WHRN: variants seen among roughly 807,000 people sequenced by gnomAD.
WHRN encodes whirlin, also known as CASK-interacting protein CIP98.
WHRN carries 41 observed loss-of-function variants against 68.3 expected under a neutral mutation model. That is an observed-to-expected ratio of 0.60 (90% CI 0.47 to 0.78). The LOEUF is 0.78. Ranked by LOEUF, WHRN falls within the 30% of genes least tolerant of loss-of-function variation. WHRN has a pLI of 0.00. For synonymous variants in WHRN, 560 were observed against 561.3 expected (o/e 1.00, Z 0.03); for missense variants, 1,243 against 1,244.7 (o/e 1.00, Z 0.02).
intron 1 of WHRN, among the ~76,000 whole-genome samples, chr9:114,498,514 T>A (rs1235153617): frequency 1.3e-5 from 2 of 152,142 alleles, no homozygotes; most frequent in Admixed American, 1.3e-4. Flanking sequence ...CTGTGTGTGG[T>A]AAGCACTGCT....
intron 4 of WHRN, chr9:114,425,477 T>A (rs1050396699): frequency 2.5e-6 from 1 of 400,684 alleles, no homozygotes; most frequent in Admixed American, 4.1e-5. Flanking sequence ...TTAAGAAGCA[T>A]CCAGAAATCC....
At chr9:114,491,074 T>C (rs957359886) in intron 1 of WHRN, among the ~76,000 whole-genome samples, 5 of 152,242 alleles carry the variant, frequency 3.3e-5, no homozygotes, top group African/African-American at 7.2e-5. Flanking sequence ...CCCAATGGGT[T>C]TGCAATGGCA....
At chr9:114,409,520 G>A (rs1038715125) in intron 7 of WHRN, among the ~76,000 whole-genome samples, 7 of 152,172 alleles carry the variant, frequency 4.6e-5, no homozygotes, top group South Asian at 2.1e-4. Flanking sequence ...GAGAACCCCC[G>A]AGCAGCTCCA....
chr9:114,466,607 C>T (rs1840720972), intron 2 of WHRN, among the ~76,000 whole-genome samples: 1 of 152,180 alleles, frequency 6.6e-6, no homozygotes, highest in African/African-American at 2.4e-5. Context: ...GCCCCTCACC[C>T]CCTCTTGGTC....
In WHRN at chr9:114,466,635, G is replaced by C. The variant is rs531175899; in HGVS notation, c.838-243C>G. Among the ~76,000 whole-genome samples, 3 of 152,154 alleles carry C rather than the reference G, an allele frequency of 2.0e-5. No homozygotes were observed. The South Asian group carries it at 6.2e-4, about 31-fold the overall frequency. On this transcript the variant is annotated intron_variant, in intron 2 of 11. Transcript: ENST00000362057. The stretch of plus-strand genomic sequence containing the variant: ...TCTTGGTCACAGCTGCAAGTGTAGT[G>C]GGGGGAAGGTGCTGAGGGAGATGGC...
At chr9:114,498,431 G>A (rs1043944312) in intron 1 of WHRN, among the ~76,000 whole-genome samples, 2 of 152,122 alleles carry the variant, frequency 1.3e-5, no homozygotes, top group African/African-American at 2.4e-5. Flanking sequence ...CTGTGGCCAC[G>A]GATGGGTCTC....
chr9:114,466,649 G>A (rs1840725828), intron 2 of WHRN, among the ~76,000 whole-genome samples: 1 of 152,176 alleles, frequency 6.6e-6, no homozygotes, highest in Admixed American at 6.5e-5. Flanking sequence ...GGAAGGTGCT[G>A]AGGGAGATGG....
intron 7 of WHRN, among the ~76,000 whole-genome samples, chr9:114,415,117 T>A (rs1430383252): frequency 6.6e-6 from 1 of 152,052 alleles, no homozygotes; most frequent in African/African-American, 2.4e-5. Flanking sequence ...GGCAACATAG[T>A]GAGACCCCCA....
intron 4 of WHRN, 45 bp from the exon 5 acceptor site, chr9:114,425,069 CA>C (rs1448608786): frequency 6.2e-7 from 1 of 1,606,008 alleles, no homozygotes; most frequent in African/African-American, 1.3e-5. Context: ...TTGAGCAGAT[CA>C]AATGGGCGTG....
chr9:114,422,709 C>A (rs1836414344), intron 7 of WHRN, among the ~76,000 whole-genome samples: 1 of 152,174 alleles, frequency 6.6e-6, no homozygotes, highest in Non-Finnish European at 1.5e-5. Context: ...GTGGTAGGCA[C>A]CTGTAATCCC....
At chr9:114,494,764 A>G (rs369450137) in intron 1 of WHRN, among the ~76,000 whole-genome samples, 1 of 152,240 alleles carries the variant, frequency 6.6e-6, no homozygotes, top group Non-Finnish European at 1.5e-5. Flanking sequence ...TCACAGGGTG[A>G]TTATGAGGCT....
intron 1 of WHRN, among the ~76,000 whole-genome samples, chr9:114,489,928 T>C (rs555225514): frequency 1.3e-5 from 2 of 152,200 alleles, no homozygotes; most frequent in African/African-American, 4.8e-5. Context: ...AAACATTCTC[T>C]TAAACAAAAG....
rs536911344 is a variant in WHRN, at chr9:114,484,103, A to G, written c.619-5332T>C. Among the ~76,000 whole-genome samples the G allele has an allele frequency of 2.0e-5, 3 of 152,328 alleles. No individual in the cohort carries two copies. The East Asian group carries it at 5.8e-4, about 29-fold the overall frequency. ...GAGGTTCCACAGGGTTTAAGAAAAC[A>G]CCAGAAGGACAATTGGAGCATCTCA... On this transcript the variant is annotated intron_variant, in intron 1 of 11. Coordinates refer to ENST00000362057, the MANE Select transcript of WHRN (RefSeq NM_015404.4).
intron 1 of WHRN, among the ~76,000 whole-genome samples, chr9:114,501,004 C>T (rs1589280838): frequency 6.6e-6 from 1 of 152,180 alleles, no homozygotes; most frequent in Non-Finnish European, 1.5e-5. Flanking sequence ...TTCTAAATGC[C>T]TCCTGTGTAG....
In WHRN at chr9:114,403,307, G is replaced by A. The variant is rs765450036; in HGVS notation, c.2451C>T (p.Val817=). 2.5e-6 allele frequency: 4 copies of A among 1,614,094 alleles called. No homozygotes were observed. In the Admixed American group the frequency reaches 6.7e-5, roughly 27 times the overall value. The stretch of plus-strand genomic sequence containing the variant: ...GGGTGGCCGCACTTTTCTTCACACG[G>A]ACCAGAGTGGACGTGGGCTCCAGAA... ...PGLLEPTSTL[V]RVKKSAATLG... Residue 817 remains valine (V), a synonymous_variant, in exon 11 of 12, where the codon GTC becomes GTT. Transcript: ENST00000362057.
intron 1 of WHRN, among the ~76,000 whole-genome samples, chr9:114,483,401 A>G (rs1296180242): frequency 2.0e-5 from 3 of 152,174 alleles, no homozygotes; most frequent in Non-Finnish European, 2.9e-5. Flanking sequence ...CTCCATTTCT[A>G]CAAACCATTG....
intron 3 of WHRN, among the ~76,000 whole-genome samples, chr9:114,431,006 G>C (rs1447469328): frequency 6.6e-6 from 1 of 152,136 alleles, no homozygotes; most frequent in African/African-American, 2.4e-5. Context: ...AGGTCTAGGA[G>C]CCCTGTCAGA....
rs961803404 is a variant in WHRN at position 114,408,130 on chromosome 9, A to C, written c.1627-112T>G. On this transcript the variant is annotated intron_variant, in intron 7 of 11. Transcript: ENST00000362057. ...GTCTTAGGACACCTCCATGTGGTTCATGTGAGCCCTGACATACCTCACTTC... is the reference window on the plus strand; with the variant it reads ...GTCTTAGGACACCTCCATGTGGTTCCTGTGAGCCCTGACATACCTCACTTC... 2.0e-5 allele frequency: 17 copies of C among 847,632 alleles called. No individual in the cohort carries two copies. The South Asian group carries it at 2.3e-4, about 11-fold the overall frequency. The allele number at this position is 847,632 out of a possible 1,614,324, so 52.5% of individuals were successfully genotyped here.
chr9:114,424,427 G>A lies in WHRN; in HGVS notation c.1323C>T (p.Thr441=). ...RHLLNEQEHA[T]MAYYLDEYRG... ...GGTACTCATCCAGGTAGTAGGCCATGGTGGCGTGTTCCTGCTCGTTCAGCA... is the reference window on the plus strand; with the variant it reads ...GGTACTCATCCAGGTAGTAGGCCATAGTGGCGTGTTCCTGCTCGTTCAGCA... Residue 441 remains threonine, a synonymous_variant, in exon 6 of 12, where the codon ACC becomes ACT. Coordinates refer to ENST00000362057, the MANE Select transcript of WHRN (RefSeq NM_015404.4). 6.2e-7 allele frequency: 1 copy of A among 1,613,512 alleles called. No homozygotes were observed. The highest frequency in any genetic ancestry group is 8.5e-7 in the Non-Finnish European group (1 of 1,180,020).
Sources: allele counts gnomAD v4.1 joint callset (sites outside exome capture counted in the v4.1 genomes callset), GRCh38; gene constraint gnomAD v4.1.1; transcripts MANE v1.5; gene names NCBI Gene and HGNC (gene_info 2026-07-23, HGNC 2026-07-21).